Variants in DSCAM observed in about 807,000 individuals in gnomAD.
The protein encoded by DSCAM is cell adhesion molecule DSCAM.
A neutral mutation model predicts 217.7 loss-of-function variants in DSCAM; 47 were observed. The observed-to-expected ratio is 0.22, with a 90% CI of 0.17 to 0.28. DSCAM has a LOEUF of 0.28. DSCAM is among the 10% of genes least tolerant of loss of function. DSCAM has a pLI of 1.00. For synonymous variants in DSCAM, 1,056 were observed against 1,015.3 expected, an observed-to-expected ratio of 1.04 and a Z score of -0.76; for missense variants, 2,080 against 2,618.3, an observed-to-expected ratio of 0.79 and a Z score of 4.49.
chr21:40,215,458 C>T (rs2091234285), intron 11 of DSCAM, among the ~76,000 whole-genome samples: 1 of 144,162 alleles, frequency 6.9e-6, no homozygotes, highest in African/African-American at 2.5e-5. Flanking sequence ...ATATATATAC[C>T]ATGAAATGCA....
chr21:40,092,774 C>G (rs577549317), intron 21 of DSCAM, among the ~76,000 whole-genome samples: 2 of 152,074 alleles, frequency 1.3e-5, no homozygotes, highest in East Asian at 3.9e-4. Context: ...GATATCATGA[C>G]CAAAGAGTGT....
chr21:40,279,077 A>T (rs1469359089), intron 10 of DSCAM, among the ~76,000 whole-genome samples: 1 of 152,236 alleles, frequency 6.6e-6, no homozygotes, highest in African/African-American at 2.4e-5. Flanking sequence ...GATTCTAAGT[A>T]GAAAAAGTTT....
At chr21:40,802,844 C>T (rs535342848) in intron 1 of DSCAM, among the ~76,000 whole-genome samples, 1 of 152,182 alleles carries the variant, frequency 6.6e-6, no homozygotes, top group Admixed American at 6.5e-5. Flanking sequence ...TATTCCTTTT[C>T]TTTATAAATT....
intron 1 of DSCAM, among the ~76,000 whole-genome samples, chr21:40,732,155 A>C (rs1239457563): frequency 1.3e-5 from 2 of 152,218 alleles, no homozygotes; most frequent in Non-Finnish European, 2.9e-5. Flanking sequence ...ATGGTAGAGG[A>C]ACCAGGGACC....
At chr21:40,794,359 A>G (rs2091672306) in intron 1 of DSCAM, among the ~76,000 whole-genome samples, 1 of 152,110 alleles carries the variant, frequency 6.6e-6, no homozygotes, top group Admixed American at 6.5e-5. Flanking sequence ...AATCTTTTCT[A>G]TCATTTGGCA....
At chr21:40,702,669 A>T (rs1041987817) in intron 2 of DSCAM, among the ~76,000 whole-genome samples, 10 of 148,584 alleles carry the variant, frequency 6.7e-5, no homozygotes, top group Admixed American at 2.0e-4. Context: ...TTTGATATGT[A>T]TTTTTTTTTT....
intron 3 of DSCAM, among the ~76,000 whole-genome samples, chr21:40,488,741 A>G (rs2076050723): frequency 6.6e-6 from 1 of 152,228 alleles, no homozygotes; most frequent in Non-Finnish European, 1.5e-5. Context: ...GTCTTTTCCA[A>G]TTATTGTGCC....
At chr21:40,681,723 G>A (rs2090403021) in intron 3 of DSCAM, among the ~76,000 whole-genome samples, 1 of 152,130 alleles carries the variant, frequency 6.6e-6, no homozygotes, top group Admixed American at 6.5e-5. Context: ...AAGTTACCAT[G>A]AGGTCATACT....
chr21:40,530,809 ACT>A (rs2076438023), intron 3 of DSCAM, among the ~76,000 whole-genome samples: 1 of 151,390 alleles, frequency 6.6e-6, no homozygotes, highest in African/African-American at 2.4e-5. Context: ...TGTTTTCTTC[ACT>A]CTGTCCACAT....
chr21:40,512,010 A>AAAAAAAAAAAAAAAAAAAAT (rs61560593), intron 3 of DSCAM, among the ~76,000 whole-genome samples: 1 of 106,368 alleles, frequency 9.4e-6, no homozygotes, highest in Non-Finnish European at 1.8e-5. Flanking sequence ...AAAAAAAAAA[A>AAAAAAAAAAAAAAAAAAAAT]GTATTCTATT....
chr21:40,692,281 C>T (rs2090546688), intron 3 of DSCAM, among the ~76,000 whole-genome samples: 1 of 152,170 alleles, frequency 6.6e-6, no homozygotes, highest in Admixed American at 6.5e-5. Context: ...TTTCTACACA[C>T]CAAATATAAG....
intron 11 of DSCAM, among the ~76,000 whole-genome samples, chr21:40,240,101 A>G (rs1379594147): frequency 1.3e-5 from 2 of 152,190 alleles, no homozygotes; most frequent in African/African-American, 2.4e-5. Flanking sequence ...ATTTCTCACA[A>G]GATCTGCCCC....
intron 16 of DSCAM, among the ~76,000 whole-genome samples, chr21:40,153,523 G>GTA (rs995699967): frequency 4.6e-5 from 7 of 152,176 alleles, no homozygotes; most frequent in Admixed American, 2.0e-4. Context: ...CTGGGGTGAG[G>GTA]TATCCATGGT....
chr21:40,087,302 A>G lies in DSCAM; in HGVS notation c.3851-15T>C. 2 of 1,596,412 alleles carry G rather than the reference A, an allele frequency of 1.3e-6. No homozygotes were observed. The highest frequency in any genetic ancestry group is 1.7e-6 in the Non-Finnish European group (2 of 1,163,924). On this transcript the variant is annotated splice_polypyrimidine_tract_variant and intron_variant, in intron 21 of 32. Coordinates refer to ENST00000400454, the MANE Select transcript of DSCAM (RefSeq NM_001389.5). ...TCGTGCAGGAGCTGAGGAACCAAAC[A>G]AAGTGGAATCCTGATTACTCCACAG...
At chr21:40,466,182 T>A (rs1346863720) in intron 3 of DSCAM, among the ~76,000 whole-genome samples, 1 of 152,224 alleles carries the variant, frequency 6.6e-6, no homozygotes, top group Admixed American at 6.5e-5. Context: ...TCTCTGCTTT[T>A]ATCCCTTCAG....
chr21:40,775,714 T>C (rs1202067122), intron 1 of DSCAM, among the ~76,000 whole-genome samples: 2 of 152,172 alleles, frequency 1.3e-5, no homozygotes, highest in African/African-American at 4.8e-5. Context: ...AACCTTGGAC[T>C]GAGAGACACA....
chr21:40,780,701 A>C (rs567495904), intron 1 of DSCAM, among the ~76,000 whole-genome samples: 1 of 152,096 alleles, frequency 6.6e-6, no homozygotes, highest in African/African-American at 2.4e-5. Flanking sequence ...GGATGCAGGA[A>C]CATGTAGAGG....
chr21:40,057,063 C>T (rs1334360215), intron 28 of DSCAM, among the ~76,000 whole-genome samples: 1 of 152,182 alleles, frequency 6.6e-6, no homozygotes, highest in Admixed American at 6.5e-5. Flanking sequence ...GTATACTCCT[C>T]GTTTGAGTAA....
chr21:40,375,443 T>C (rs1219698544), intron 3 of DSCAM, among the ~76,000 whole-genome samples: 2 of 152,252 alleles, frequency 1.3e-5, no homozygotes, highest in Non-Finnish European at 2.9e-5. Context: ...GGCCATGCTG[T>C]ACTTCTTTTA....
Sources: allele counts gnomAD v4.1 joint callset (sites outside exome capture counted in the v4.1 genomes callset), GRCh38; gene constraint gnomAD v4.1.1; transcripts MANE v1.5; gene names NCBI Gene and HGNC (gene_info 2026-07-23, HGNC 2026-07-21).